The following N4BP2L2 variants were observed in gnomAD, a reference collection of about 807,000 sequenced individuals.
The protein encoded by N4BP2L2 is NEDD4-binding protein 2-like 2.
N4BP2L2 carries 50 observed loss-of-function variants against 56.2 expected under a neutral mutation model. The ratio of observed to expected loss-of-function variants is 0.89; its 90% confidence interval spans 0.71 to 1.13. N4BP2L2 has a LOEUF of 1.13. Among genes scored for constraint, N4BP2L2 ranks in the 50% most tolerant of loss-of-function variants. The pLI is 0.00. For synonymous variants in N4BP2L2, 203 were observed against 223.6 expected (o/e 0.91, Z 0.82); for missense variants, 689 against 693.8 (o/e 0.99, Z 0.08).
intron 1 of N4BP2L2, among the ~76,000 whole-genome samples, chr13:32,538,042 G>A (rs1352809921): frequency 1.1e-4 from 14 of 130,160 alleles, no homozygotes; most frequent in Admixed American, 1.7e-4. Context: ...ACTGCACTCC[G>A]CCTGGGCGAC....
At chr13:32,473,395 A>G (rs1420404513) in intron 6 of N4BP2L2, among the ~76,000 whole-genome samples, 1 of 152,222 alleles carries the variant, frequency 6.6e-6, no homozygotes, top group Non-Finnish European at 1.5e-5. Context: ...CAAGCAACTA[A>G]ACACAAGGTG....
At chr13:32,464,279 A>G (rs549575146) in intron 6 of N4BP2L2, among the ~76,000 whole-genome samples, 1 of 152,356 alleles carries the variant, frequency 6.6e-6, no homozygotes, top group South Asian at 2.1e-4. Flanking sequence ...GATTGTTACA[A>G]ATGAAGATGT....
At chr13:32,488,533 C>T (rs1449848864) in intron 6 of N4BP2L2, among the ~76,000 whole-genome samples, 2 of 151,990 alleles carry the variant, frequency 1.3e-5, no homozygotes, top group South Asian at 2.1e-4. Flanking sequence ...CTCCCTGTAA[C>T]TAAAATACAA....
At chr13:32,460,942 T>C (rs991375880) in intron 6 of N4BP2L2, among the ~76,000 whole-genome samples, 1 of 151,912 alleles carries the variant, frequency 6.6e-6, no homozygotes, top group African/African-American at 2.4e-5. Context: ...AGAATAGAGA[T>C]CCCAGAAATA....
In N4BP2L2 at chr13:32,446,537, C is replaced by A. The variant is rs1018376450; in HGVS notation, c.366-2411G>T. ...AGAGTTTGTTGTTGCGTTATTCATT[C>A]GATTAAATGGTAAAATACTAATGAC... is the stretch of plus-strand genomic sequence containing the variant. On this transcript the variant is annotated intron_variant, in intron 6 of 9. Transcript: ENST00000357505. 5.4e-6 allele frequency: 7 copies of A among 1,291,766 alleles called. No individual in the cohort carries two copies. The South Asian group carries it at 8.7e-5, about 16-fold the overall frequency. 80.0% of individuals were successfully genotyped at this position (1,291,766 alleles called of 1,614,324 possible).
chr13:32,439,417 G>A (rs191488091), intron 7 of N4BP2L2, among the ~76,000 whole-genome samples: 2 of 152,128 alleles, frequency 1.3e-5, no homozygotes, highest in Non-Finnish European at 2.9e-5. Context: ...CAAGGTAAGC[G>A]AGGCATAGAA....
chr13:32,521,264 C>T (rs368088605), intron 5 of N4BP2L2, 109 bp downstream of exon 5: 1 of 851,646 alleles, frequency 1.2e-6, no homozygotes, highest in South Asian at 1.7e-5. Context: ...CACATTTTAC[C>T]CTCAGTTTCC....
chr13:32,527,632 A>C lies in N4BP2L2; in HGVS notation c.1260-100T>G, dbSNP rs2053429888. On this transcript the variant is annotated intron_variant, in intron 2 of 5. Transcript: ENST00000267068. Reference sequence around the variant, plus strand: ...TATAACCAAGTGAAATAAATCACACAGGAAAGGTTATTAAATGGATTTCTG... The same window carrying C: ...TATAACCAAGTGAAATAAATCACACCGGAAAGGTTATTAAATGGATTTCTG... The C allele has an allele frequency of 3.0e-6, 4 of 1,351,298 alleles. No individual in the cohort carries two copies. The Admixed American group carries it at 6.9e-5, about 23-fold the overall frequency. 83.7% of individuals were successfully genotyped at this position (1,351,298 alleles called of 1,614,324 possible). A position where few individuals can be genotyped will look rare whatever the true frequency, so the allele number is the denominator to read the frequency against.
intron 6 of N4BP2L2, among the ~76,000 whole-genome samples, chr13:32,502,167 G>A (rs189665679): frequency 2.0e-3 from 301 of 151,378 alleles, no homozygotes; most frequent in Admixed American, 3.8e-3. Flanking sequence ...TGGGTTCAAG[G>A]AATTCTCCTA....
intron 6 of N4BP2L2, chr13:32,478,596 A>T (rs997413058): frequency 2.0e-5 from 3 of 153,498 alleles, no homozygotes; most frequent in Non-Finnish European, 4.4e-5. Flanking sequence ...CTGAACCCTT[A>T]TGGGACGGCT....
intron 1 of N4BP2L2, 52 bp downstream of exon 1, chr13:32,538,566 C>T: frequency 3.2e-6 from 3 of 948,260 alleles, no homozygotes; most frequent in Non-Finnish European, 3.8e-6. Context: ...GAAGTGAAAG[C>T]GAAAAACACC....
chr13:32,459,210 T>C (rs562597135), intron 6 of N4BP2L2, among the ~76,000 whole-genome samples: 94 of 151,936 alleles, frequency 6.2e-4, no homozygotes, highest in Non-Finnish European at 1.0e-3. Context: ...ATAACCAATC[T>C]AATGATGCAC....
chr13:32,532,777 G>A (rs1304389781), intron 2 of N4BP2L2, among the ~76,000 whole-genome samples: 1 of 151,422 alleles, frequency 6.6e-6, no homozygotes. Flanking sequence ...TTTTAGTAGA[G>A]ATGGGGTTTC....
At chr13:32,472,802 A>G (rs1442830339) in intron 6 of N4BP2L2, among the ~76,000 whole-genome samples, 1 of 152,180 alleles carries the variant, frequency 6.6e-6, no homozygotes, top group Non-Finnish European at 1.5e-5. Flanking sequence ...CCCTCCTGCT[A>G]GAACTGCCTT....
intron 6 of N4BP2L2, among the ~76,000 whole-genome samples, chr13:32,496,210 T>TA (rs577967063): frequency 1.4e-4 from 21 of 151,896 alleles, no homozygotes; most frequent in Admixed American, 1.0e-3. Context: ...TTTTTATTTT[T>TA]TTTTTTTTAC....
chr13:32,446,816 T>C (rs964315087), intron 6 of N4BP2L2, among the ~76,000 whole-genome samples: 5 of 152,244 alleles, frequency 3.3e-5, no homozygotes, highest in Non-Finnish European at 7.3e-5. Context: ...TTGGGACTGT[T>C]TAATTGCTTT....
intron 6 of N4BP2L2, among the ~76,000 whole-genome samples, chr13:32,458,842 T>G (rs1444857583): frequency 3.3e-5 from 5 of 152,198 alleles, no homozygotes; most frequent in African/African-American, 1.2e-4. Context: ...ATACACATTC[T>G]TCTCATCAGC....
At chr13:32,434,248 C>CTTTTTTTTTTTTTTTTTTTTTTTTTTTT (rs369328452) in intron 9 of N4BP2L2, among the ~76,000 whole-genome samples, 1 of 112,038 alleles carries the variant, frequency 8.9e-6, no homozygotes, top group Non-Finnish European at 1.8e-5. Context: ...AGCTAATTTT[C>CTTTTTTTTTTTTTTTTTTTTTTTTTTTT]TTTTTTTCTT....
At chr13:32,443,268 G>A (rs1405979605) in exon 7 of N4BP2L2, 5 of 1,613,854 alleles carry the variant, frequency 3.1e-6, no homozygotes, top group Non-Finnish European at 4.2e-6. Flanking sequence ...CCACCGAAGT[G>A]AAGATCATTT....
Sources: allele counts gnomAD v4.1 joint callset (sites outside exome capture counted in the v4.1 genomes callset), GRCh38; gene constraint gnomAD v4.1.1; transcripts MANE v1.5; gene names NCBI Gene and HGNC (gene_info 2026-07-23, HGNC 2026-07-21).